NMRK1: variants seen among roughly 807,000 people sequenced by gnomAD.
NMRK1 encodes nicotinamide riboside kinase 1.
A neutral mutation model predicts 29.9 loss-of-function variants in NMRK1; 28 were observed. That is an observed-to-expected ratio of 0.94 (90% CI 0.69 to 1.28). NMRK1 has a LOEUF of 1.28. Among genes scored for constraint, NMRK1 ranks in the 50% most tolerant of loss-of-function variants. NMRK1 has a pLI of 0.00. For synonymous variants in NMRK1, 58 were observed against 73.0 expected, an observed-to-expected ratio of 0.79 and a Z score of 1.05; for missense variants, 218 against 233.1, an observed-to-expected ratio of 0.94 and a Z score of 0.42.
intron 2 of NMRK1, among the ~76,000 whole-genome samples, chr9:75,081,802 G>A (rs1405736168): frequency 6.6e-6 from 1 of 152,186 alleles, no homozygotes; most frequent in Admixed American, 6.5e-5. Flanking sequence ...CCAGCAAAGG[G>A]AGACCTATGA....
chr9:75,083,090 C>G lies in NMRK1; in HGVS notation c.26G>C (p.Ser9Thr). ...TGTTTGTAGCAAAATTACTCACCCA[C>G]TGATTCCAATGATAAATGTTTTCAT... MKTFIIGI[S>T]GVTNSGKTTL... The change falls in exon 2 of 9, where the codon AGT becomes ACT. Residue 9 changes from serine (S) to threonine (T), a missense_variant. Transcript: ENST00000361092. The G allele has an allele frequency of 1.9e-6, 3 of 1,597,892 alleles. No homozygotes were observed. Among genetic ancestry groups the G allele is most frequent in the Non-Finnish European group, 2.6e-6 (3 of 1,165,172 alleles).
At chr9:75,073,166 C>T (rs1006913662) in intron 4 of NMRK1, among the ~76,000 whole-genome samples, 3 of 152,112 alleles carry the variant, frequency 2.0e-5, no homozygotes, top group Non-Finnish European at 4.4e-5. Flanking sequence ...AAAATTCAGA[C>T]ACACACAGGG....
intron 2 of NMRK1, among the ~76,000 whole-genome samples, chr9:75,078,040 T>C (rs1001184788): frequency 6.6e-6 from 1 of 152,212 alleles, no homozygotes; most frequent in Non-Finnish European, 1.5e-5. Flanking sequence ...CAGGCACTGG[T>C]AGATCTGATG....
In NMRK1 at chr9:75,069,905, A is replaced by C; in HGVS notation, c.307T>G (p.Phe103Val). 6.2e-7 allele frequency: 1 copy of C among 1,613,410 alleles called. No individual in the cohort carries two copies. The highest frequency in any genetic ancestry group is 8.5e-7 in the Non-Finnish European group (1 of 1,179,820). Residue 103 changes from phenylalanine (F) to valine (V), a missense_variant, in exon 5 of 9, where the codon TTT (phenylalanine) becomes GTT (valine). Phe to Val is a conservative substitution (Grantham distance 50, BLOSUM62 -1). Coordinates refer to ENST00000361092, the MANE Select transcript of NMRK1 (RefSeq NM_017881.3). ...PILIIEGFLLFNYKPLDTIWN... is the reference protein window; with the variant it reads ...PILIIEGFLLVNYKPLDTIWN... ...GGTGGAGATGCTTACTTATAATTAAAAAGAAGAAAACCTTCGATGATTAAA... is the reference window on the plus strand; with the variant it reads ...GGTGGAGATGCTTACTTATAATTAACAAGAAGAAAACCTTCGATGATTAAA...
At chr9:75,085,849 G>A (rs561310490) in intron 1 of NMRK1, among the ~76,000 whole-genome samples, 92 of 138,966 alleles carry the variant, frequency 6.6e-4, no homozygotes, top group Non-Finnish European at 1.1e-3. Context: ...TATCAGCTAT[G>A]AGCAAGTGAC....
In NMRK1 at chr9:75,088,059, C is replaced by T; in HGVS notation, c.-87G>A. The T allele has an allele frequency of 6.5e-6, 1 of 152,786 alleles. No homozygotes were observed. Among genetic ancestry groups the T allele is most frequent in the Non-Finnish European group, 1.5e-5 (1 of 68,414 alleles). 9.5% of individuals were successfully genotyped at this position (152,786 alleles called of 1,614,324 possible). A position where few individuals can be genotyped will look rare whatever the true frequency, so the allele number is the denominator to read the frequency against. On this transcript the variant is annotated 5_prime_UTR_variant, in exon 1 of 9. Coordinates refer to ENST00000361092, the MANE Select transcript of NMRK1 (RefSeq NM_017881.3). ...CACAGCGGCAGAGGCGACAGCCAAGCGCGCGCCTGTACCCAGTGCGCCGCT... is the reference window on the plus strand; with the variant it reads ...CACAGCGGCAGAGGCGACAGCCAAGTGCGCGCCTGTACCCAGTGCGCCGCT...
chr9:75,066,269 A>G, intron 8 of NMRK1: 1 of 518,826 alleles, frequency 1.9e-6, no homozygotes, highest in South Asian at 1.4e-5. Context: ...GATCCCTGTC[A>G]CTTGCAAACA....
intron 2 of NMRK1, among the ~76,000 whole-genome samples, chr9:75,079,317 CTTCT>C (rs1371234151): frequency 6.6e-6 from 1 of 152,172 alleles, no homozygotes; most frequent in Admixed American, 6.5e-5. Flanking sequence ...GACTTTTCCC[CTTCT>C]TTAACAAAAA....
intron 8 of NMRK1, among the ~76,000 whole-genome samples, chr9:75,063,730 A>C (rs1823176084): frequency 6.6e-6 from 1 of 152,220 alleles, no homozygotes; most frequent in African/African-American, 2.4e-5. Context: ...GTCACTAGAA[A>C]CACTGAAAGG....
intron 2 of NMRK1, among the ~76,000 whole-genome samples, chr9:75,078,785 G>A (rs936573151): frequency 3.3e-5 from 5 of 152,008 alleles, no homozygotes; most frequent in African/African-American, 1.2e-4. Flanking sequence ...TATCATCGAT[G>A]TTCATTATTG....
intron 8 of NMRK1, 64 bp downstream of exon 8, chr9:75,066,693 A>T: frequency 2.3e-6 from 2 of 880,118 alleles, no homozygotes; most frequent in South Asian, 2.6e-5. Flanking sequence ...ATTCTTTCAT[A>T]TGTAATGAAT....
At position 75,069,040 on chromosome 9, in the gene NMRK1, T is replaced by C; in HGVS notation, c.452A>G (p.Tyr151Cys). The part of the protein sequence containing the change: ...GYFDGHVWPM[Y>C]LKYRQEMQDI... ...CTGCATTTCTTGTCTGTACTTTAGATACATGGGCCACACATGGCCATCAAA... is the reference window on the plus strand; with the variant it reads ...CTGCATTTCTTGTCTGTACTTTAGACACATGGGCCACACATGGCCATCAAA... The change falls in exon 7 of 9, where the codon TAT becomes TGT. Residue 151 changes from tyrosine (Y) to cysteine (C), a missense_variant. By Grantham distance (194) the Tyr-to-Cys change is radical (BLOSUM62 -2). Coordinates refer to ENST00000361092, the MANE Select transcript of NMRK1 (RefSeq NM_017881.3). The C allele has an allele frequency of 1.9e-6, 3 of 1,614,194 alleles. No homozygotes were observed. The South Asian group carries it at 3.3e-5, about 18-fold the overall frequency.
intron 3 of NMRK1, 69 bp from the exon 4 acceptor site, chr9:75,077,276 A>T: frequency 9.1e-7 from 1 of 1,096,554 alleles, no homozygotes; most frequent in Non-Finnish European, 1.4e-6. Flanking sequence ...TAGACTAAAA[A>T]GGAGAGAAGT....
chr9:75,074,082 GAGTCTCGC>G (rs1407789189), intron 4 of NMRK1, among the ~76,000 whole-genome samples: 1 of 151,034 alleles, frequency 6.6e-6, no homozygotes. Context: ...TTTTGAGACA[GAGTCTCGC>G]TCTGTTGCCC....
At chr9:75,065,420 C>T (rs770939805) in intron 8 of NMRK1, among the ~76,000 whole-genome samples, 11 of 152,084 alleles carry the variant, frequency 7.2e-5, no homozygotes, top group East Asian at 1.9e-4. Flanking sequence ...CTGTCTGCCT[C>T]GGCCTCCCAA....
intron 6 of NMRK1, chr9:75,069,336 T>C: frequency 1.9e-6 from 1 of 521,148 alleles, no homozygotes; most frequent in South Asian, 3.0e-5. Flanking sequence ...AATTATTCTT[T>C]TTCCTTCTAG....
chr9:75,083,736 C>G (rs977629041), intron 1 of NMRK1, among the ~76,000 whole-genome samples: 3 of 152,122 alleles, frequency 2.0e-5, no homozygotes, highest in African/African-American at 7.2e-5. Context: ...TTGGGCCTGG[C>G]TAGGTACATT....
chr9:75,074,234 C>G (rs975848809), intron 4 of NMRK1, among the ~76,000 whole-genome samples: 4 of 151,264 alleles, frequency 2.6e-5, no homozygotes, highest in African/African-American at 9.7e-5. Context: ...TTAAGTCTTT[C>G]TCTTTTAAGG....
chr9:75,083,232 C>T, intron 1 of NMRK1, 82 bp from the exon 2 acceptor site: 1 of 738,080 alleles, frequency 1.4e-6, no homozygotes, highest in Non-Finnish European at 2.3e-6. Context: ...AAATTAGGAG[C>T]ACCAGCTGAG....
Sources: gnomAD v4.1 joint callset for allele counts (sites outside exome capture counted in the v4.1 genomes callset) on GRCh38, gnomAD v4.1.1 for gene constraint, MANE v1.5 for transcripts, NCBI Gene and HGNC (gene_info 2026-07-23, HGNC 2026-07-21) for gene names.